Variants in IL19 observed in about 807,000 individuals in gnomAD.
IL19 encodes the protein interleukin-19.
IL19 carries 15 observed loss-of-function variants against 19.5 expected under a neutral mutation model. That is an observed-to-expected ratio of 0.77 (90% CI 0.52 to 1.19). The LOEUF is 1.19. Ranked by LOEUF, IL19 falls within the 50% of genes most tolerant of loss-of-function variation. The pLI, the probability that IL19 is intolerant of heterozygous loss-of-function variation, is 0.00. For synonymous variants in IL19, 78 were observed against 78.3 expected (o/e 1.00, Z 0.02); for missense variants, 199 against 213.1 (o/e 0.93, Z 0.41).
chr1:206,776,909 C>CAAAA lies in IL19; in HGVS notation c.-149+5854_-149+5857dup, dbSNP rs1186364224. ...TTCACTGTATTAAATCTTGCAACTACAAAAAAAAAAAAAAAAAAAAAAAAA... is the reference window on the plus strand; with the variant it reads ...TTCACTGTATTAAATCTTGCAACTACAAAAAAAAAAAAAAAAAAAAAAAAAAAAA... On this transcript the variant is annotated intron_variant, in intron 1 of 6. Coordinates refer to ENST00000659997, the MANE Select transcript of IL19 (RefSeq NM_153758.5). 2.6e-3 allele frequency among the ~76,000 whole-genome samples: 129 copies of CAAAA among 50,474 alleles called. 2 individuals are homozygous for CAAAA. The highest frequency in any genetic ancestry group is 7.1e-3 in the African/African-American group (91 of 12,846). The allele number at this position is 50,474 out of a possible 152,430, so 33.1% of individuals were successfully genotyped here.
At chr1:206,781,519 T>C (rs1675130702) in intron 1 of IL19, among the ~76,000 whole-genome samples, 1 of 151,540 alleles carries the variant, frequency 6.6e-6, no homozygotes, top group African/African-American at 2.4e-5. Flanking sequence ...ATTCTGGTCC[T>C]TACCTCTAAA....
intron 2 of IL19, among the ~76,000 whole-genome samples, chr1:206,823,287 C>CT (rs1243630563): frequency 1.3e-5 from 2 of 152,032 alleles, no homozygotes; most frequent in East Asian, 3.9e-4. Context: ...GGTGTGGTGG[C>CT]TCACTCCTGT....
rs542514900 is a variant in IL19, at chr1:206,839,972, C to A, written c.333C>A (p.Phe111Leu). 3 of 1,614,224 alleles carry A rather than the reference C, an allele frequency of 1.9e-6. No homozygotes were observed. Among genetic ancestry groups the A allele is most frequent in the Middle Eastern group, 1.6e-4 (1 of 6,062 alleles). The change falls in exon 5 of 7, where the codon TTC (phenylalanine) becomes TTA (leucine). Residue 111 changes from phenylalanine (F) to leucine (L), a missense_variant. Transcript: ENST00000659997. Reference protein sequence around the residue: ...LRKISSIANSFLYMQKTLRQC... With the variant: ...LRKISSIANSLLYMQKTLRQC... ...AAATCAGCAGCATTGCCAACTCTTTCCTCTACATGCAGAAAACTCTGCGGC... is the reference window on the plus strand; with the variant it reads ...AAATCAGCAGCATTGCCAACTCTTTACTCTACATGCAGAAAACTCTGCGGC...
chr1:206,824,568 T>C (rs1316739376), intron 2 of IL19, among the ~76,000 whole-genome samples: 1 of 152,192 alleles, frequency 6.6e-6, no homozygotes, highest in Non-Finnish European at 1.5e-5. Flanking sequence ...ATTTGCCACA[T>C]GTTATAGATG....
intron 1 of IL19, among the ~76,000 whole-genome samples, chr1:206,782,395 C>G (rs1342667558): frequency 6.9e-6 from 1 of 145,110 alleles, no homozygotes; most frequent in Non-Finnish European, 1.5e-5. Context: ...TTTCTCAGAC[C>G]ACCCTTAGAG....
intron 2 of IL19, among the ~76,000 whole-genome samples, chr1:206,812,436 C>T (rs918674906): frequency 6.6e-6 from 1 of 152,124 alleles, no homozygotes; most frequent in Non-Finnish European, 1.5e-5. Context: ...GATGCCAAAC[C>T]AACAGGCTAA....
chr1:206,825,616 G>A (rs1676419703), intron 2 of IL19, among the ~76,000 whole-genome samples: 1 of 152,174 alleles, frequency 6.6e-6, no homozygotes, highest in Non-Finnish European at 1.5e-5. Context: ...CTTTGGGCCT[G>A]ACCTTTCTGA....
At chr1:206,814,659 A>C (rs540748598) in intron 2 of IL19, among the ~76,000 whole-genome samples, 1 of 150,052 alleles carries the variant, frequency 6.7e-6, no homozygotes, top group Admixed American at 6.7e-5. Flanking sequence ...GTGCCACTGC[A>C]CTCCAGCCTG....
chr1:206,805,649 A>G (rs888634510), intron 2 of IL19, among the ~76,000 whole-genome samples: 1 of 152,276 alleles, frequency 6.6e-6, no homozygotes, highest in Admixed American at 6.5e-5. Context: ...ACACAAAAGC[A>G]AAAGATAAAG....
intron 1 of IL19, among the ~76,000 whole-genome samples, chr1:206,789,593 T>C (rs1417535128): frequency 1.3e-5 from 2 of 152,210 alleles, no homozygotes; most frequent in Non-Finnish European, 2.9e-5. Flanking sequence ...CAGTAGTTTT[T>C]TTCGACTTTT....
chr1:206,784,059 C>T (rs1675207919), intron 1 of IL19, among the ~76,000 whole-genome samples: 1 of 152,262 alleles, frequency 6.6e-6, no homozygotes, highest in East Asian at 1.9e-4. Context: ...AATTTCAACT[C>T]CAATATTCTG....
chr1:206,784,602 A>G (rs1262114004), intron 1 of IL19, among the ~76,000 whole-genome samples: 1 of 152,206 alleles, frequency 6.6e-6, no homozygotes, highest in Non-Finnish European at 1.5e-5. Flanking sequence ...AGTGGAAATC[A>G]GAAGAGCCTC....
At chr1:206,823,763 T>C (rs926075466) in intron 2 of IL19, among the ~76,000 whole-genome samples, 1 of 151,920 alleles carries the variant, frequency 6.6e-6, no homozygotes, top group Admixed American at 6.6e-5. Flanking sequence ...TGTCTGGAGG[T>C]GAGGAGCCAT....
At chr1:206,786,928 C>T (rs550420530) in intron 1 of IL19, among the ~76,000 whole-genome samples, 2 of 152,118 alleles carry the variant, frequency 1.3e-5, no homozygotes, top group Non-Finnish European at 2.9e-5. Flanking sequence ...TTAGTTTTTC[C>T]AAACCACCAA....
chr1:206,836,230 C>A (rs1182201884), intron 2 of IL19, among the ~76,000 whole-genome samples: 1 of 152,174 alleles, frequency 6.6e-6, no homozygotes, highest in Non-Finnish European at 1.5e-5. Flanking sequence ...CATCAAAAAC[C>A]AAGTGTGTTT....
intron 5 of IL19, chr1:206,840,692 A>T: frequency 3.5e-6 from 1 of 287,484 alleles, no homozygotes; most frequent in Non-Finnish European, 6.6e-6. Flanking sequence ...ATTAACATTT[A>T]ACAAATGTTT....
chr1:206,839,546 A>G (rs1172780071), intron 4 of IL19, among the ~76,000 whole-genome samples: 1 of 152,202 alleles, frequency 6.6e-6, no homozygotes, highest in Non-Finnish European at 1.5e-5. Context: ...AGTGGAAGTT[A>G]GTGATGACAC....
At chr1:206,840,078 C>T (rs757366068) in intron 5 of IL19, 76 bp downstream of exon 5, 15 of 1,508,390 alleles carry the variant, frequency 9.9e-6, no homozygotes, top group East Asian at 9.0e-5. Flanking sequence ...TGGCCCCCAT[C>T]GGCCTCCTGA....
chr1:206,802,677 C>CTT (rs564545992), intron 2 of IL19, among the ~76,000 whole-genome samples: 1 of 144,414 alleles, frequency 6.9e-6, no homozygotes. Flanking sequence ...TTTTTTTTTT[C>CTT]TTTTTTTTTT....
Sources: allele counts gnomAD v4.1 joint callset (sites outside exome capture counted in the v4.1 genomes callset), GRCh38; gene constraint gnomAD v4.1.1; transcripts MANE v1.5; gene names NCBI Gene and HGNC (gene_info 2026-07-23, HGNC 2026-07-21).